PCSK2: variants seen among roughly 807,000 people sequenced by gnomAD.
The protein encoded by PCSK2 is neuroendocrine convertase 2.
In PCSK2, 14 loss-of-function variants were observed where a neutral mutation model predicts 69.7. The observed-to-expected ratio is 0.20, with a 90% CI of 0.13 to 0.31. The LOEUF is 0.31. PCSK2 is among the 10% of genes least tolerant of loss of function. The pLI, the probability that PCSK2 is intolerant of heterozygous loss-of-function variation, is 1.00. For missense variants in PCSK2, 544 were observed against 842.5 expected (o/e 0.65, Z 4.39); for synonymous variants, 307 against 320.7 (o/e 0.96, Z 0.46).
intron 2 of PCSK2, among the ~76,000 whole-genome samples, chr20:17,338,966 G>A (rs1444988783): frequency 6.6e-6 from 1 of 152,180 alleles, no homozygotes; most frequent in African/African-American, 2.4e-5. Flanking sequence ...TGTTCACATA[G>A]CATCTTGTTT....
chr20:17,362,630 G>A (rs951361392), intron 4 of PCSK2, among the ~76,000 whole-genome samples: 1 of 152,200 alleles, frequency 6.6e-6, no homozygotes, highest in African/African-American at 2.4e-5. Context: ...GGACTCCCAA[G>A]AGTAGGCCTT....
At chr20:17,377,299 G>A (rs1281106797) in intron 5 of PCSK2, among the ~76,000 whole-genome samples, 2 of 152,192 alleles carry the variant, frequency 1.3e-5, no homozygotes, top group Non-Finnish European at 2.9e-5. Flanking sequence ...AAGAGAAAAA[G>A]GCCCACCCCT....
intron 1 of PCSK2, among the ~76,000 whole-genome samples, chr20:17,251,877 T>C (rs1190344875): frequency 6.6e-6 from 1 of 152,138 alleles, no homozygotes; most frequent in East Asian, 1.9e-4. Flanking sequence ...TGGAATCATG[T>C]GAAAGCTTCT....
chr20:17,370,010 G>C (rs1246937311), intron 5 of PCSK2, among the ~76,000 whole-genome samples: 2 of 152,198 alleles, frequency 1.3e-5, no homozygotes, highest in Admixed American at 1.3e-4. Context: ...TGCTGGGCTA[G>C]AACCACACAC....
chr20:17,361,164 T>G (rs936191467), intron 4 of PCSK2, among the ~76,000 whole-genome samples: 1 of 152,234 alleles, frequency 6.6e-6, no homozygotes, highest in African/African-American at 2.4e-5. Flanking sequence ...TCATCACAGA[T>G]AGTTACATTA....
chr20:17,239,725 A>G (rs1986486250), intron 1 of PCSK2, among the ~76,000 whole-genome samples: 1 of 152,140 alleles, frequency 6.6e-6, no homozygotes. Context: ...GTAAACAAAC[A>G]TAATGCAACA....
At chr20:17,424,756 G>T (rs1023007855) in intron 6 of PCSK2, among the ~76,000 whole-genome samples, 7 of 151,966 alleles carry the variant, frequency 4.6e-5, no homozygotes, top group African/African-American at 1.7e-4. Context: ...CTCCCAAAGT[G>T]CTGGGATTAC....
intron 5 of PCSK2, among the ~76,000 whole-genome samples, chr20:17,392,238 G>A (rs1056655837): frequency 6.6e-6 from 1 of 152,168 alleles, no homozygotes; most frequent in African/African-American, 2.4e-5. Flanking sequence ...AAAGAACTCA[G>A]CATCTTGCTG....
chr20:17,439,384 C>G (rs747934466), intron 8 of PCSK2, among the ~76,000 whole-genome samples: 1 of 152,058 alleles, frequency 6.6e-6, no homozygotes, highest in African/African-American at 2.4e-5. Flanking sequence ...CTTGGCCTCC[C>G]GAGGTGGGAT....
At chr20:17,273,036 A>C (rs970562547) in intron 2 of PCSK2, among the ~76,000 whole-genome samples, 1 of 152,160 alleles carries the variant, frequency 6.6e-6, no homozygotes, top group Non-Finnish European at 1.5e-5. Flanking sequence ...ATGTTTCGTC[A>C]TGAAATTTTA....
At chr20:17,467,196 A>G (rs2033119035) in intron 11 of PCSK2, among the ~76,000 whole-genome samples, 1 of 152,136 alleles carries the variant, frequency 6.6e-6, no homozygotes, top group Non-Finnish European at 1.5e-5. Flanking sequence ...AACTTAGACA[A>G]TACTTTTGAC....
At chr20:17,394,453 C>T (rs1295509026) in intron 5 of PCSK2, among the ~76,000 whole-genome samples, 1 of 152,154 alleles carries the variant, frequency 6.6e-6, no homozygotes, top group Non-Finnish European at 1.5e-5. Context: ...CCTTGAACCA[C>T]TTGGAGCGAA....
intron 4 of PCSK2, among the ~76,000 whole-genome samples, chr20:17,368,520 G>T (rs1363095762): frequency 6.6e-6 from 1 of 152,130 alleles, no homozygotes. Context: ...AAGCTTATGT[G>T]GTTTTGCAAA....
chr20:17,263,223 T>A (rs949238880), intron 2 of PCSK2: 2 of 612,734 alleles, frequency 3.3e-6, no homozygotes, highest in African/African-American at 2.0e-5. Context: ...ATGTAACAAC[T>A]AATTTTTATG....
At chr20:17,238,890 A>G (rs1986444639) in intron 1 of PCSK2, among the ~76,000 whole-genome samples, 1 of 152,338 alleles carries the variant, frequency 6.6e-6, no homozygotes, top group South Asian at 2.1e-4. Context: ...TAGTGACTAA[A>G]CAGTGCTATA....
At chr20:17,260,821 T>C (rs939830136) in intron 2 of PCSK2, among the ~76,000 whole-genome samples, 26 of 152,334 alleles carry the variant, frequency 1.7e-4, no homozygotes, top group East Asian at 3.9e-4. Context: ...TCAGTATCCA[T>C]GCATGACTGT....
At chr20:17,315,382 A>T (rs994020650) in intron 2 of PCSK2, among the ~76,000 whole-genome samples, 1 of 152,040 alleles carries the variant, frequency 6.6e-6, no homozygotes, top group Non-Finnish European at 1.5e-5. Context: ...TATAGAGGTG[A>T]CCCGTGAGCT....
intron 2 of PCSK2, among the ~76,000 whole-genome samples, chr20:17,308,652 C>T (rs1459053796): frequency 6.6e-6 from 1 of 152,196 alleles, no homozygotes; most frequent in Non-Finnish European, 1.5e-5. Flanking sequence ...GCTAAGTATT[C>T]TTGCATGTCA....
At chr20:17,262,165 G>A (rs534836084) in intron 2 of PCSK2, among the ~76,000 whole-genome samples, 2 of 152,274 alleles carry the variant, frequency 1.3e-5, no homozygotes, top group African/African-American at 4.8e-5. Context: ...TCAGTCACTG[G>A]TGATTCTAAT....
Sources: gnomAD v4.1 joint callset for allele counts (sites outside exome capture counted in the v4.1 genomes callset) on GRCh38, gnomAD v4.1.1 for gene constraint, MANE v1.5 for transcripts, NCBI Gene and HGNC (gene_info 2026-07-23, HGNC 2026-07-21) for gene names.